The following DYRK3 variants were observed in gnomAD, a reference collection of about 807,000 sequenced individuals.
DYRK3 encodes the protein dual specificity tyrosine phosphorylation regulated kinase 3.
DYRK3 carries 30 observed loss-of-function variants against 40.8 expected under a neutral mutation model. The ratio of observed to expected loss-of-function variants is 0.74; its 90% CI spans 0.55 to 1.00. The LOEUF (loss-of-function observed/expected upper bound fraction) is 1.00, where lower values mean the gene tolerates loss of function less well. DYRK3 is among the 50% of genes least tolerant of loss of function. The pLI, the probability that DYRK3 is intolerant of heterozygous loss-of-function variation, is 0.00. For missense variants in DYRK3, 699 were observed against 731.5 expected, an observed-to-expected ratio of 0.96 and a Z score of 0.51; for synonymous variants, 272 against 260.7, an observed-to-expected ratio of 1.04 and a Z score of -0.42.
chr1:206,636,110 G>C lies in DYRK3; in HGVS notation c.77+330G>C, dbSNP rs149636270. The C allele has an allele frequency of 2.6e-5, 36 of 1,399,078 alleles. No individual in the cohort carries two copies. The East Asian group carries it at 8.1e-4, about 31-fold the overall frequency. The allele number at this position is 1,399,078 out of a possible 1,614,324, so 86.7% of individuals were successfully genotyped here. ...CTTTTTGTGGGGCTTTTTATTAAAGGGGGGGAGCCCGGGAGCAATACCTTG... is the reference window on the plus strand; with the variant it reads ...CTTTTTGTGGGGCTTTTTATTAAAGCGGGGGAGCCCGGGAGCAATACCTTG... On this transcript the variant is annotated intron_variant, in intron 1 of 2. Coordinates refer to ENST00000367109, the MANE Select transcript of DYRK3 (RefSeq NM_003582.4).
In DYRK3 at chr1:206,648,464, G is replaced by T; in HGVS notation, c.1266G>T (p.Met422Ile). Residue 422 changes from methionine to isoleucine, a missense_variant, in exon 3 of 3, where the codon ATG (methionine) becomes ATT (isoleucine). Physicochemically the swap from Met to Ile is conservative, Grantham distance 10 (BLOSUM62 1). Transcript: ENST00000367109. ...EDEGDQLACM[M>I]ELLGMPPPKL... is the part of the protein sequence containing the mutation. ...AAGGAGACCAGTTGGCCTGCATGAT[G>T]GAGCTTCTAGGGATGCCACCACCAA... The T allele has an allele frequency of 6.2e-7, 1 of 1,614,178 alleles. No homozygotes were observed. The highest frequency in any genetic ancestry group is 1.3e-5 in the African/African-American group (1 of 75,032).
At position 206,649,278 on chromosome 1, in the gene DYRK3, G is replaced by A. The variant is rs572029974; in HGVS notation, c.*313G>A. On this transcript the variant is annotated 3_prime_UTR_variant, in exon 3 of 3. Coordinates refer to ENST00000367109, the MANE Select transcript of DYRK3 (RefSeq NM_003582.4). ...ATCTCTTTCTCTCAAGATAGAAGGT[G>A]TAGCAAAAGTATCCCAACTACTCCT... 8.0e-6 allele frequency: 2 copies of A among 251,174 alleles called. No individual in the cohort carries two copies. Among genetic ancestry groups the A allele is most frequent in the African/African-American group, 2.3e-5 (1 of 43,734 alleles). 15.6% of individuals were successfully genotyped at this position (251,174 alleles called of 1,614,324 possible). A position where few individuals can be genotyped will look rare whatever the true frequency, so the allele number is the denominator to read the frequency against.
At chr1:206,646,416 T>G (rs1553420125) in intron 2 of DYRK3, among the ~76,000 whole-genome samples, 1 of 152,192 alleles carries the variant, frequency 6.6e-6, no homozygotes, top group East Asian at 1.9e-4. Flanking sequence ...TCAGTATCCC[T>G]TCCAGGAGAA....
In DYRK3 at chr1:206,635,586, C is replaced by T; in HGVS notation, c.-118C>T. 8.4e-7 allele frequency: 1 copy of T among 1,188,446 alleles called. No homozygotes were observed. Among genetic ancestry groups the T allele is most frequent in the Non-Finnish European group, 1.1e-6 (1 of 947,588 alleles). 73.6% of individuals were successfully genotyped at this position (1,188,446 alleles called of 1,614,324 possible). Reference sequence around the variant, plus strand: ...GCGAAAGTGCGCTGAGCTGCAGTGTCTGGTCGAGAGTACCCGTGGGAGCGT... The same window carrying T: ...GCGAAAGTGCGCTGAGCTGCAGTGTTTGGTCGAGAGTACCCGTGGGAGCGT... On this transcript the variant is annotated 5_prime_UTR_variant, in exon 1 of 3. Transcript: ENST00000367109.
chr1:206,647,254 A>G, intron 2 of DYRK3, 134 bp from the exon 3 acceptor site: 1 of 906,478 alleles, frequency 1.1e-6, no homozygotes, highest in Non-Finnish European at 1.6e-6. Flanking sequence ...TGCTTTTCTT[A>G]TCTTCTTTTT....
intron 2 of DYRK3, among the ~76,000 whole-genome samples, chr1:206,647,033 A>G (rs1169897879): frequency 2.0e-5 from 3 of 152,118 alleles, no homozygotes; most frequent in Non-Finnish European, 2.9e-5. Context: ...AGAGGAATTA[A>G]ACTGGGCTTT....
In DYRK3 at chr1:206,655,048, G is replaced by A. The variant is rs568714633; in HGVS notation, c.*6083G>A. On this transcript the variant is annotated 3_prime_UTR_variant, in exon 3 of 3. Coordinates refer to ENST00000367109, the MANE Select transcript of DYRK3 (RefSeq NM_003582.4). Reference sequence around the variant, plus strand: ...TGTCATGGGATTCTGTCCATTGTCCGTTTGAGTCTGCTGACATGCTTCCTC... The same window carrying A: ...TGTCATGGGATTCTGTCCATTGTCCATTTGAGTCTGCTGACATGCTTCCTC... Among the ~76,000 whole-genome samples, 16 of 152,332 alleles carry A rather than the reference G, an allele frequency of 1.1e-4. No individual in the cohort carries two copies. The highest frequency in any genetic ancestry group is 2.0e-4 in the Admixed American group (3 of 15,304).
intron 2 of DYRK3, among the ~76,000 whole-genome samples, chr1:206,646,130 G>A (rs1214003965): frequency 2.6e-5 from 4 of 152,188 alleles, no homozygotes; most frequent in African/African-American, 4.8e-5. Context: ...GATTACAGGC[G>A]TGAGACACCA....
chr1:206,646,110 A>G (rs185078147), intron 2 of DYRK3, among the ~76,000 whole-genome samples: 1 of 152,228 alleles, frequency 6.6e-6, no homozygotes, highest in Non-Finnish European at 1.5e-5. Flanking sequence ...TTGGCCTCCC[A>G]GAGTGCTGGG....
At chr1:206,642,797 G>T (rs1671328560) in intron 2 of DYRK3, among the ~76,000 whole-genome samples, 2 of 151,952 alleles carry the variant, frequency 1.3e-5, no homozygotes, top group Non-Finnish European at 2.9e-5. Context: ...AGGGGGGAGG[G>T]ATAGCATTAG....
At position 206,654,029 on chromosome 1, in the gene DYRK3, T is replaced by A. The variant is rs1263110531; in HGVS notation, c.*5064T>A. ...CATGTTAAAACACTTTCTGTTTTGC[T>A]TAATTCGTAACTAGGCATAATTAAA... is the stretch of plus-strand genomic sequence containing the variant. On this transcript the variant is annotated 3_prime_UTR_variant, in exon 3 of 3. Transcript: ENST00000367109. 6.6e-6 allele frequency among the ~76,000 whole-genome samples: 1 copy of A among 152,256 alleles called. No homozygotes were observed. Among genetic ancestry groups the A allele is most frequent in the African/African-American group, 2.4e-5 (1 of 41,478 alleles).
In DYRK3 at chr1:206,649,730, A is replaced by G. The variant is rs918484022; in HGVS notation, c.*765A>G. Among the ~76,000 whole-genome samples the G allele has an allele frequency of 1.1e-4, 16 of 152,196 alleles. No homozygotes were observed. The highest frequency in any genetic ancestry group is 2.1e-4 in the South Asian group (1 of 4,826). On this transcript the variant is annotated 3_prime_UTR_variant, in exon 3 of 3. Transcript: ENST00000367109. Reference sequence around the variant, plus strand: ...AAGATAAAACAGCTTCTCTGCCACAATTGACCCAGAGTGGTAAAGATAGAG... The same window carrying G: ...AAGATAAAACAGCTTCTCTGCCACAGTTGACCCAGAGTGGTAAAGATAGAG...
intron 1 of DYRK3, chr1:206,636,021 A>C (rs1356554269): frequency 7.0e-7 from 1 of 1,434,600 alleles, no homozygotes; most frequent in African/African-American, 1.4e-5. Context: ...AAGAATTTCC[A>C]CCCCTGGATT....
chr1:206,655,047 C>G lies in DYRK3; in HGVS notation c.*6082C>G, dbSNP rs1475122765. ...GTGTCATGGGATTCTGTCCATTGTC[C>G]GTTTGAGTCTGCTGACATGCTTCCT... On this transcript the variant is annotated 3_prime_UTR_variant, in exon 3 of 3. Coordinates refer to ENST00000367109, the MANE Select transcript of DYRK3 (RefSeq NM_003582.4). 6.6e-6 allele frequency among the ~76,000 whole-genome samples: 1 copy of G among 152,158 alleles called. No homozygotes were observed. Among genetic ancestry groups the G allele is most frequent in the African/African-American group, 2.4e-5 (1 of 41,438 alleles).
intron 1 of DYRK3, 54 bp downstream of exon 1, chr1:206,635,834 T>A: frequency 2.4e-6 from 3 of 1,241,356 alleles, no homozygotes; most frequent in Non-Finnish European, 3.0e-6. Context: ...CGGCTGGCGC[T>A]GGCAAGCGAA....
intron 2 of DYRK3, among the ~76,000 whole-genome samples, chr1:206,642,698 G>A (rs1261557019): frequency 6.6e-6 from 1 of 152,040 alleles, no homozygotes; most frequent in Non-Finnish European, 1.5e-5. Flanking sequence ...AACACCACAT[G>A]TTCTCACTCA....
rs1553421202 is a variant in DYRK3 at position 206,650,733 on chromosome 1, A to AG, written c.*1770dup. 6.6e-6 allele frequency among the ~76,000 whole-genome samples: 1 copy of AG among 152,226 alleles called. No individual in the cohort carries two copies. The highest frequency in any genetic ancestry group is 1.9e-4 in the East Asian group (1 of 5,204). On this transcript the variant is annotated 3_prime_UTR_variant, in exon 3 of 3. Transcript: ENST00000367109. ...AAAAATGCCATGAGTATATTATTTA[A>AG]GGAACTTTTGTTTTATCCAAAAGTA...
Position 206,641,644 on chromosome 1 carries a change from A to G in DYRK3, c.189+3883A>G, listed in dbSNP as rs556360807. Among the ~76,000 whole-genome samples the G allele has an allele frequency of 2.2e-3, 325 of 150,552 alleles. 29 individuals carry two copies. The highest frequency in any genetic ancestry group is 7.8e-3 in the African/African-American group (314 of 40,354). On this transcript the variant is annotated intron_variant, in intron 2 of 2. Coordinates refer to ENST00000367109, the MANE Select transcript of DYRK3 (RefSeq NM_003582.4). ...TCAGGCCAGTATTTGAGTTATTTAC[A>G]GGAAAGGAAAGAAAGTTAAGAAGAG...
chr1:206,647,220 A>G (rs1671480401), intron 2 of DYRK3, among the ~76,000 whole-genome samples, 168 bp from the exon 3 acceptor site: 1 of 152,204 alleles, frequency 6.6e-6, no homozygotes, highest in Non-Finnish European at 1.5e-5. Flanking sequence ...GAAAATTAAT[A>G]TAACACAAGT....
Sources: gnomAD v4.1 joint callset for allele counts (sites outside exome capture counted in the v4.1 genomes callset) on GRCh38, gnomAD v4.1.1 for gene constraint, MANE v1.5 for transcripts, NCBI Gene and HGNC (gene_info 2026-07-23, HGNC 2026-07-21) for gene names.